DACH2: variants seen among roughly 807,000 people sequenced by gnomAD.
DACH2 encodes dachshund homolog 2.
Under a neutral mutation model 35.8 loss-of-function variants are expected in DACH2, and 17 were observed. The observed-to-expected ratio is 0.48, with a 90% confidence interval of 0.33 to 0.71. The LOEUF is 0.71. Ranked by LOEUF, DACH2 falls within the 30% of genes least tolerant of loss-of-function variation. DACH2 has a pLI of 0.02. For synonymous variants in DACH2, 195 were observed against 177.3 expected, an observed-to-expected ratio of 1.10 and a Z score of -0.79; for missense variants, 469 against 472.7, an observed-to-expected ratio of 0.99 and a Z score of 0.07.
intron 5 of DACH2, among the ~76,000 whole-genome samples, chrX:86,700,473 G>A (rs1215948195): frequency 9.1e-6 from 1 of 109,477 alleles, no homozygotes; most frequent in African/African-American, 3.3e-5. Flanking sequence ...GGATAGTTAG[G>A]TCTTCTTGGT....
intron 1 of DACH2, among the ~76,000 whole-genome samples, chrX:86,364,249 C>A (rs1323720156): frequency 9.0e-6 from 1 of 111,507 alleles, no homozygotes; most frequent in Non-Finnish European, 1.9e-5. Context: ...TTTCATACTA[C>A]GAATGCATCT....
chrX:86,429,145 T>C (rs2036941420), intron 2 of DACH2, among the ~76,000 whole-genome samples: 1 of 110,977 alleles, frequency 9.0e-6, no homozygotes, highest in Non-Finnish European at 1.9e-5. Context: ...TTCTCTGAAT[T>C]TGTCCTTTAT....
At chrX:86,554,742 C>G (rs2039094855) in intron 3 of DACH2, among the ~76,000 whole-genome samples, 1 of 111,397 alleles carries the variant, frequency 9.0e-6, no homozygotes. Flanking sequence ...ATTTTTTCTT[C>G]TCTGTAACAT....
intron 3 of DACH2, among the ~76,000 whole-genome samples, chrX:86,650,154 T>G (rs918549915): frequency 2.7e-5 from 3 of 110,921 alleles, no homozygotes; most frequent in Non-Finnish European, 5.7e-5. Flanking sequence ...CAAACTTGCA[T>G]ATTCACTTTT....
At chrX:86,496,901 G>A (rs1278146103) in intron 2 of DACH2, among the ~76,000 whole-genome samples, 1 of 111,551 alleles carries the variant, frequency 9.0e-6, no homozygotes, top group East Asian at 2.8e-4. Flanking sequence ...CCAAAGCAGG[G>A]AGCCCCCAAG....
rs1390019326 is a variant in DACH2 at position 86,469,677 on chromosome X, T to C, written c.528-44602T>C. On this transcript the variant is annotated intron_variant, in intron 2 of 11. Transcript: ENST00000373125. The stretch of plus-strand genomic sequence containing the variant: ...CCCCCAGTCCCAAATATAACGCTGT[T>C]GGTAGAGGAGATATGACAATAAATT... Among the ~76,000 whole-genome samples, 5 of 110,822 alleles carry C rather than the reference T, an allele frequency of 4.5e-5. No homozygotes were observed. The East Asian group carries it at 1.4e-3, about 31-fold the overall frequency.
chrX:86,460,866 ATGTTAACAAGACCCTTAT>A (rs1444856148), intron 2 of DACH2, among the ~76,000 whole-genome samples: 1 of 111,100 alleles, frequency 9.0e-6, no homozygotes, highest in African/African-American at 3.3e-5. Context: ...GAGACCCATG[ATGTTAACAAGACCCTTAT>A]TGCCTATTCC....
chrX:86,328,568 C>A (rs758531330), intron 1 of DACH2, among the ~76,000 whole-genome samples: 1 of 111,529 alleles, frequency 9.0e-6, no homozygotes, highest in South Asian at 3.8e-4. Flanking sequence ...TTTACTTCAG[C>A]AGAAGTTGGA....
At chrX:86,546,431 TTCC>T (rs1283617019) in intron 3 of DACH2, among the ~76,000 whole-genome samples, 1 of 90,251 alleles carries the variant, frequency 1.1e-5, no homozygotes, top group Non-Finnish European at 2.1e-5. Context: ...CTTCTTCTTC[TTCC>T]TCTTCTTCTT....
chrX:86,767,259 C>T (rs1170289421), intron 7 of DACH2, among the ~76,000 whole-genome samples: 2 of 111,847 alleles, frequency 1.8e-5, no homozygotes, highest in East Asian at 5.6e-4. Context: ...AGGGGATTAA[C>T]TCGTTGGCTA....
At chrX:86,617,224 A>G (rs1484173941) in intron 3 of DACH2, among the ~76,000 whole-genome samples, 1 of 111,524 alleles carries the variant, frequency 9.0e-6, no homozygotes, top group Non-Finnish European at 1.9e-5. Context: ...CTTTTTGCTT[A>G]GGATTGCCTT....
chrX:86,506,680 C>G (rs891694632), intron 2 of DACH2, among the ~76,000 whole-genome samples: 8 of 111,844 alleles, frequency 7.2e-5, no homozygotes, highest in African/African-American at 2.6e-4. Flanking sequence ...AGGCATGAAC[C>G]ACCACACCTG....
At chrX:86,717,200 G>A (rs761962195) in intron 6 of DACH2, among the ~76,000 whole-genome samples, 26 of 111,365 alleles carry the variant, frequency 2.3e-4, no homozygotes, top group Non-Finnish European at 2.6e-4. Context: ...AATGTACATT[G>A]TACCCAGTGA....
chrX:86,190,703 G>A (rs746883349), intron 1 of DACH2, among the ~76,000 whole-genome samples: 42 of 112,046 alleles, frequency 3.7e-4, no homozygotes, highest in African/African-American at 1.3e-3. Context: ...CCAGCACTTT[G>A]GGAGGCCAAG....
At chrX:86,377,489 A>T (rs1035796772) in intron 2 of DACH2, among the ~76,000 whole-genome samples, 4 of 111,069 alleles carry the variant, frequency 3.6e-5, no homozygotes, top group South Asian at 3.7e-4. Flanking sequence ...GCAATCAGAG[A>T]TAACATATTG....
intron 3 of DACH2, among the ~76,000 whole-genome samples, chrX:86,550,659 A>G (rs1250909097): frequency 9.0e-6 from 1 of 111,093 alleles, no homozygotes; most frequent in East Asian, 2.8e-4. Context: ...TTATGGGTAA[A>G]AGACAGTCTG....
chrX:86,573,702 G>A (rs1467477115), intron 3 of DACH2, among the ~76,000 whole-genome samples: 1 of 111,788 alleles, frequency 8.9e-6, no homozygotes. Flanking sequence ...GAGGAAAAAT[G>A]TAATGTACTT....
intron 1 of DACH2, among the ~76,000 whole-genome samples, chrX:86,313,319 A>G (rs2034835986): frequency 8.9e-6 from 1 of 112,054 alleles, no homozygotes; most frequent in Non-Finnish European, 1.9e-5. Flanking sequence ...GTACCTTAAT[A>G]TGACATTGCA....
chrX:86,326,669 TC>T (rs2035121480), intron 1 of DACH2, among the ~76,000 whole-genome samples: 1 of 111,153 alleles, frequency 9.0e-6, no homozygotes, highest in Admixed American at 9.6e-5. Flanking sequence ...AGGTAGTTTT[TC>T]TTCTCTTGCC....
Sources: allele counts gnomAD v4.1 joint callset (sites outside exome capture counted in the v4.1 genomes callset), GRCh38; gene constraint gnomAD v4.1.1; transcripts MANE v1.5; gene names NCBI Gene and HGNC (gene_info 2026-07-23, HGNC 2026-07-21).